The following ADAM29 variants were observed in gnomAD, a reference collection of about 807,000 sequenced individuals.
ADAM29 encodes disintegrin and metalloproteinase domain-containing protein 29.
For missense variants in ADAM29, 969 were observed against 1,001.8 expected, an observed-to-expected ratio of 0.97 and a Z score of 0.44; for synonymous variants, 367 against 342.3, an observed-to-expected ratio of 1.07 and a Z score of -0.80.
At position 174,977,165 on chromosome 4, in the gene ADAM29, C is replaced by T. The variant is rs1301611574; in HGVS notation, c.1640C>T (p.Ser547Leu). 1 of 1,614,094 alleles carries T rather than the reference C, an allele frequency of 6.2e-7. No homozygotes were observed. The highest frequency in any genetic ancestry group is 2.2e-5 in the East Asian group (1 of 44,874). Residue 547 changes from serine to leucine, a missense_variant, in exon 5 of 5, where the codon TCA becomes TTA. Coordinates refer to ENST00000359240, the MANE Select transcript of ADAM29 (RefSeq NM_014269.4). ...KNATYIKCNISDVQCGRIQCE... is the reference protein window; with the variant it reads ...KNATYIKCNILDVQCGRIQCE... ...GCTACATATATAAAGTGTAATATCTCAGATGTCCAGTGTGGAAGAATTCAG... is the reference window on the plus strand; with the variant it reads ...GCTACATATATAAAGTGTAATATCTTAGATGTCCAGTGTGGAAGAATTCAG...
chr4:174,941,572 C>T (rs1045097440), intron 4 of ADAM29, among the ~76,000 whole-genome samples: 1 of 152,084 alleles, frequency 6.6e-6, no homozygotes, highest in African/African-American at 2.4e-5. Flanking sequence ...TTTTAACCAT[C>T]AGATCTCCTG....
chr4:174,931,903 ATAATG>A (rs1399252339), intron 3 of ADAM29, among the ~76,000 whole-genome samples: 1 of 152,166 alleles, frequency 6.6e-6, no homozygotes, highest in Non-Finnish European at 1.5e-5. Flanking sequence ...TTAATTAACT[ATAATG>A]TATTTTTCTC....
Position 174,977,428 on chromosome 4 carries a change from A to C in ADAM29, c.1903A>C (p.Ile635Leu), listed in dbSNP as rs1158222796. ...ACCTGCATTTTGTAACAAGAGGGGC[A>C]TCTGCAACAATAAACATCACTGCCA... Reference protein sequence around the residue: ...CSPAFCNKRGICNNKHHCHCN... With the variant: ...CSPAFCNKRGLCNNKHHCHCN... The change falls in exon 5 of 5, where the codon ATC (isoleucine) becomes CTC (leucine). Residue 635 changes from isoleucine (I) to leucine (L), a missense_variant. Ile to Leu is a conservative substitution (Grantham distance 5, BLOSUM62 2). Transcript: ENST00000359240. 7.6e-5 allele frequency: 123 copies of C among 1,613,948 alleles called. No homozygotes were observed. The highest frequency in any genetic ancestry group is 1.0e-4 in the Non-Finnish European group (120 of 1,179,932).
chr4:174,919,028 AT>A (rs964378890), intron 1 of ADAM29: 6 of 152,148 alleles, frequency 3.9e-5, no homozygotes, highest in Non-Finnish European at 8.8e-5. Flanking sequence ...TATTGTCTTA[AT>A]TTTTAAAAGT....
At chr4:174,962,037 A>T (rs2111063295) in intron 4 of ADAM29, among the ~76,000 whole-genome samples, 1 of 152,328 alleles carries the variant, frequency 6.6e-6, no homozygotes, top group South Asian at 2.1e-4. Flanking sequence ...TGTAATAGAA[A>T]GACAAGGAAA....
In ADAM29 at chr4:174,923,236, T is replaced by C. The variant is rs541459879; in HGVS notation, c.-451+2444T>C. Reference sequence around the variant, plus strand: ...CACACCTGGCTAATTTTTGTATTTTTAGTATAGACGGGATTTCACCATGTT... The same window carrying C: ...CACACCTGGCTAATTTTTGTATTTTCAGTATAGACGGGATTTCACCATGTT... On this transcript the variant is annotated intron_variant, in intron 2 of 4. Transcript: ENST00000359240. Among the ~76,000 whole-genome samples, 4 of 151,950 alleles carry C rather than the reference T, an allele frequency of 2.6e-5. No homozygotes were observed. The South Asian group carries it at 8.3e-4, about 32-fold the overall frequency.
intron 4 of ADAM29, among the ~76,000 whole-genome samples, chr4:174,967,967 T>C (rs1218733690): frequency 6.6e-6 from 1 of 152,218 alleles, no homozygotes; most frequent in East Asian, 1.9e-4. Flanking sequence ...ATAATTTTGC[T>C]ATCAAATACC....
Position 174,977,604 on chromosome 4 carries a change from T to C in ADAM29, c.2079T>C (p.Cys693=). ...LLIVLFILLC[C]LYRLCKKSKP... ...TTGTTTTGTTTATTTTATTATGTTGTCTTTATCGACTTTGTAAAAAAAGTA... is the reference window on the plus strand; with the variant it reads ...TTGTTTTGTTTATTTTATTATGTTGCCTTTATCGACTTTGTAAAAAAAGTA... The change falls in exon 5 of 5, where the codon TGT becomes TGC. Residue 693 remains cysteine (C), a synonymous_variant. Transcript: ENST00000359240. 6.2e-7 allele frequency: 1 copy of C among 1,613,864 alleles called. No individual in the cohort carries two copies. The highest frequency in any genetic ancestry group is 1.1e-5 in the South Asian group (1 of 91,058).
At chr4:174,956,620 T>A (rs918252543) in intron 4 of ADAM29, among the ~76,000 whole-genome samples, 1 of 151,822 alleles carries the variant, frequency 6.6e-6, no homozygotes, top group African/African-American at 2.4e-5. Context: ...ATATAATCAT[T>A]GTGGTGGTAA....
chr4:174,927,173 G>A (rs974135745), intron 2 of ADAM29, among the ~76,000 whole-genome samples: 5 of 152,170 alleles, frequency 3.3e-5, no homozygotes, highest in African/African-American at 1.2e-4. Context: ...AAATAGTACA[G>A]CCCATTTGAA....
At chr4:174,945,461 T>C (rs968992660) in intron 4 of ADAM29, among the ~76,000 whole-genome samples, 4 of 152,048 alleles carry the variant, frequency 2.6e-5, no homozygotes, top group Admixed American at 2.6e-4. Flanking sequence ...AAAATTTACT[T>C]TGTTGATAGT....
chr4:174,946,554 G>A (rs1230068232), intron 4 of ADAM29, among the ~76,000 whole-genome samples: 1 of 152,102 alleles, frequency 6.6e-6, no homozygotes, highest in Non-Finnish European at 1.5e-5. Flanking sequence ...TGGTGAGAGA[G>A]GGTATCCTTG....
At chr4:174,937,576 A>G (rs1391695810) in intron 4 of ADAM29, among the ~76,000 whole-genome samples, 1 of 151,988 alleles carries the variant, frequency 6.6e-6, no homozygotes, top group Non-Finnish European at 1.5e-5. Context: ...ACCAAAAACT[A>G]CAGTATTCTT....
At chr4:174,945,503 A>G (rs1267260539) in intron 4 of ADAM29, among the ~76,000 whole-genome samples, 2 of 152,084 alleles carry the variant, frequency 1.3e-5, no homozygotes, top group Admixed American at 6.6e-5. Flanking sequence ...TTTTGTTTAC[A>G]TAGGTCCCAA....
At position 174,976,847 on chromosome 4, in the gene ADAM29, T is replaced by C. The variant is rs1746848366; in HGVS notation, c.1322T>C (p.Leu441Pro). 1 of 1,614,066 alleles carries C rather than the reference T, an allele frequency of 6.2e-7. No homozygotes were observed. The change falls in exon 5 of 5, where the codon CTT (leucine) becomes CCT (proline). Residue 441 changes from leucine (L) to proline (P), a missense_variant. Leu to Pro is a moderately conservative substitution (Grantham distance 98). Coordinates refer to ENST00000359240, the MANE Select transcript of ADAM29 (RefSeq NM_014269.4). ...LTDGSTCAFGLCCKDCKFLPS... is the reference protein window; with the variant it reads ...LTDGSTCAFGPCCKDCKFLPS... ...GATGGTTCTACTTGTGCTTTTGGGC[T>C]TTGTTGCAAAGACTGCAAGTTCCTA...
At chr4:174,933,327 T>G (rs1462861752) in intron 3 of ADAM29, among the ~76,000 whole-genome samples, 1 of 152,146 alleles carries the variant, frequency 6.6e-6, no homozygotes, top group Non-Finnish European at 1.5e-5. Flanking sequence ...TCGAGCTCCC[T>G]AAGTGTAAAT....
chr4:174,970,593 C>T (rs938435938), intron 4 of ADAM29, among the ~76,000 whole-genome samples: 3 of 152,150 alleles, frequency 2.0e-5, no homozygotes, highest in Admixed American at 2.0e-4. Context: ...GCCAATGAAA[C>T]TCATTTTAGC....
intron 2 of ADAM29, among the ~76,000 whole-genome samples, chr4:174,925,456 T>A (rs74398844): frequency 2.6e-5 from 4 of 152,316 alleles, no homozygotes; most frequent in East Asian, 1.9e-4. Flanking sequence ...CCTCTTGTCA[T>A]ATAGCCATGC....
intron 4 of ADAM29, among the ~76,000 whole-genome samples, chr4:174,944,755 C>T (rs558861036): frequency 1.8e-4 from 27 of 152,264 alleles, no homozygotes; most frequent in African/African-American, 6.5e-4. Context: ...ATGTTTAGCT[C>T]CCACTTATAA....
Sources: allele counts gnomAD v4.1 joint callset (sites outside exome capture counted in the v4.1 genomes callset), GRCh38; gene constraint gnomAD v4.1.1; transcripts MANE v1.5; gene names NCBI Gene and HGNC (gene_info 2026-07-23, HGNC 2026-07-21).